The following BCAM variants were observed in gnomAD, a reference collection of about 807,000 sequenced individuals.
BCAM encodes basal cell adhesion molecule.
Under a neutral mutation model 72.4 loss-of-function variants are expected in BCAM, and 61 were observed. The observed-to-expected ratio is 0.84, with a 90% CI of 0.69 to 1.04. The LOEUF is 1.04. Ranked by LOEUF, BCAM falls within the 50% of genes least tolerant of loss-of-function variation. The probability of loss-of-function intolerance (pLI) is 0.00; values close to 1 mark genes in which losing one functional copy is unlikely to be tolerated. For missense variants in BCAM, 909 were observed against 895.0 expected, an observed-to-expected ratio of 1.02 and a Z score of -0.20; for synonymous variants, 408 against 384.2, an observed-to-expected ratio of 1.06 and a Z score of -0.73.
chr19:44,820,709 C>T lies in BCAM; in HGVS notation c.1768C>T (p.Pro590Ser), dbSNP rs763384636. The T allele has an allele frequency of 1.4e-5, 20 of 1,401,474 alleles. No homozygotes were observed. Among genetic ancestry groups the T allele is most frequent in the Admixed American group, 3.0e-5 (1 of 33,124 alleles). 86.8% of individuals were successfully genotyped at this position (1,401,474 alleles called of 1,614,324 possible). A position where few individuals can be genotyped will look rare whatever the true frequency, so the allele number is the denominator to read the frequency against. ...RQRREKGAPPPGEPGLSHSGS... is the reference protein window; with the variant it reads ...RQRREKGAPPSGEPGLSHSGS... ...CCCGCTGCCTCCTCCCCCCAGGCCG[C>T]CAGGGGAGCCAGGGCTGAGCCACTC... The change falls in exon 14 of 15, where the codon CCA (proline) becomes TCA (serine). Residue 590 changes from proline to serine, a missense_variant. By Grantham distance (74) the Pro-to-Ser change is moderately conservative. Coordinates refer to ENST00000270233, the MANE Select transcript of BCAM (RefSeq NM_005581.5).
rs985801314 is a variant in BCAM at position 44,813,140 on chromosome 19, G to T, written c.505-110G>T. 25 of 1,252,958 alleles carry T rather than the reference G, an allele frequency of 2.0e-5. 1 individual carries two copies. The highest frequency in any genetic ancestry group is 2.6e-4 in the Middle Eastern group (1 of 3,834). 77.6% of individuals were successfully genotyped at this position (1,252,958 alleles called of 1,614,324 possible). ...TGGACTCCTGGGTCCTGGGAGAGTCGGGAGTTAGGAGCCCGGCTCATGAGT... is the reference window on the plus strand; with the variant it reads ...TGGACTCCTGGGTCCTGGGAGAGTCTGGAGTTAGGAGCCCGGCTCATGAGT... On this transcript the variant is annotated intron_variant, in intron 4 of 14. Transcript: ENST00000270233. The surrounding 1 kb of genome is among the most constrained non-coding windows in gnomAD (Gnocchi z 4.2).
intron 13 of BCAM, 104 bp downstream of exon 13, chr19:44,819,830 A>G (rs28399660): frequency 0.034 from 48,639 of 1,428,550 alleles, 946 homozygotes; most frequent in Middle Eastern, 0.047. Context: ...CCTCCACCCC[A>G]CATCCCACCA....
intron 8 of BCAM, among the ~76,000 whole-genome samples, chr19:44,816,755 A>G (rs1308481393): frequency 1.3e-5 from 2 of 151,834 alleles, no homozygotes; most frequent in African/African-American, 4.8e-5. Context: ...CCTGGCCAAC[A>G]TGGTGAAACC....
chr19:44,819,159 C>T lies in BCAM; in HGVS notation c.1440C>T (p.Asp480=). 1.9e-6 allele frequency: 3 copies of T among 1,614,126 alleles called. No individual in the cohort carries two copies. Among genetic ancestry groups the T allele is most frequent in the South Asian group, 1.1e-5 (1 of 91,078 alleles). Residue 480 remains aspartate, a synonymous_variant, in exon 11 of 15, where the codon GAC becomes GAT. Coordinates refer to ENST00000270233, the MANE Select transcript of BCAM (RefSeq NM_005581.5). The stretch of plus-strand genomic sequence containing the variant: ...TCTGCTCTGCCCGCGGCCATCCAGA[C>T]CCCAAACTCAGCTGGAGCCAATTGG... ...TLICSARGHP[D]PKLSWSQLGG...
chr19:44,819,232 C>T (rs774003153), intron 11 of BCAM, 40 bp downstream of exon 11: 3 of 1,612,598 alleles, frequency 1.9e-6, no homozygotes, highest in Admixed American at 3.3e-5. Context: ...CCCTCTCACT[C>T]ATCCAAGTAT....
At chr19:44,816,039 C>T (rs28669714) in intron 8 of BCAM, among the ~76,000 whole-genome samples, 51 of 151,890 alleles carry the variant, frequency 3.4e-4, no homozygotes, top group African/African-American at 1.2e-3. Context: ...AAAAGTAGGC[C>T]GGGCCCCGTG....
chr19:44,815,642 C>T (rs928701008), intron 8 of BCAM, among the ~76,000 whole-genome samples: 4 of 152,082 alleles, frequency 2.6e-5, no homozygotes, highest in Admixed American at 6.6e-5. Flanking sequence ...CCCTGGGTTC[C>T]GCACCTCTTG....
Position 44,813,441 on chromosome 19 carries a change from G to T in BCAM, c.605G>T (p.Gly202Val), listed in dbSNP as rs759591873. Residue 202 changes from glycine to valine, a missense_variant, in exon 6 of 15, where the codon GGC becomes GTC. By Grantham distance (109) the Gly-to-Val change is moderately radical (BLOSUM62 -3). Transcript: ENST00000270233. This position sits in a 1 kb window ranked among gnomAD's most constrained non-coding sequence, Gnocchi z 4.2. ...LEVPVEMNPE[G>V]YMTSRTVREA... ...CACCTCCCCCGATCTCTCCCAGAGGGCTACATGACCAGCCGCACGGTCCGG... is the reference window on the plus strand; with the variant it reads ...CACCTCCCCCGATCTCTCCCAGAGGTCTACATGACCAGCCGCACGGTCCGG... 1.9e-6 allele frequency: 3 copies of T among 1,610,600 alleles called. No homozygotes were observed. Among genetic ancestry groups the T allele is most frequent in the Non-Finnish European group, 2.5e-6 (3 of 1,179,128 alleles).
chr19:44,820,339 C>T, intron 13 of BCAM: 1 of 1,066,570 alleles, frequency 9.4e-7, no homozygotes, highest in Non-Finnish European at 1.1e-6. Flanking sequence ...CAATCTTGTC[C>T]CCATTCCTGA....
intron 2 of BCAM, chr19:44,811,865 CAGAGCAAGACTCTATCTCA>C (rs1375008538): frequency 1.3e-5 from 6 of 464,502 alleles, no homozygotes; most frequent in African/African-American, 1.0e-4. Flanking sequence ...AGCCAGGCGA[CAGAGCAAGACTCTATCTCA>C]AAAAAAAAGA....
intron 11 of BCAM, 70 bp from the exon 12 acceptor site, chr19:44,819,276 C>A: frequency 6.2e-7 from 1 of 1,610,110 alleles, no homozygotes; most frequent in Non-Finnish European, 8.5e-7. Flanking sequence ...GGAGACTGGA[C>A]GTCGTTCACC....
Position 44,813,192 on chromosome 19 carries a change from G to A in BCAM, c.505-58G>A, listed in dbSNP as rs1056986531. 1.1e-5 allele frequency: 17 copies of A among 1,580,584 alleles called. No homozygotes were observed. The highest frequency in any genetic ancestry group is 2.7e-5 in the African/African-American group (2 of 74,002). ...TGAGTGGGGAGAACTCCTGAGAGAG[G>A]AGCCCCGACTTCAGAGTCCCAGCTC... On this transcript the variant is annotated intron_variant, in intron 4 of 14. Coordinates refer to ENST00000270233, the MANE Select transcript of BCAM (RefSeq NM_005581.5). This position sits in a 1 kb window ranked among gnomAD's most constrained non-coding sequence, Gnocchi z 4.2.
chr19:44,817,547 T>C lies in BCAM; in HGVS notation c.1079-975T>C, dbSNP rs28399621. On this transcript the variant is annotated intron_variant, in intron 8 of 14. Transcript: ENST00000270233. Reference sequence around the variant, plus strand: ...ATGACCAGTGGGTGGTTGGTTTTTTTTGTTTTTTTTTTTTTGAGTCAGAGT... The same window carrying C: ...ATGACCAGTGGGTGGTTGGTTTTTTCTGTTTTTTTTTTTTTGAGTCAGAGT... Among the ~76,000 whole-genome samples the C allele has an allele frequency of 7.9e-3, 1,180 of 150,224 alleles. 13 individuals are homozygous for C. The highest frequency in any genetic ancestry group is 0.028 in the African/African-American group (1,113 of 40,320).
At chr19:44,811,127 C>A in intron 1 of BCAM, 98 bp from the exon 2 acceptor site, 1 of 1,572,140 alleles carries the variant, frequency 6.4e-7, no homozygotes, top group East Asian at 2.3e-5. Context: ...GGAGGAGGGG[C>A]TGGGACCTGG....
chr19:44,818,584 G>A lies in BCAM; in HGVS notation c.1141G>A (p.Val381Ile), dbSNP rs28399626. 3.8e-3 allele frequency: 6,187 copies of A among 1,614,058 alleles called. 175 individuals carry two copies. The African/African-American group carries it at 0.066, about 17-fold the overall frequency. ...VLSLPLNSSA[V>I]VNCSVHGLPT... is the part of the protein sequence containing the mutation. Reference sequence around the variant, plus strand: ...TTCCTTACCTCTAAACAGCAGTGCAGTCGTGAACTGCTCCGTGCACGGCCT... The same window carrying A: ...TTCCTTACCTCTAAACAGCAGTGCAATCGTGAACTGCTCCGTGCACGGCCT... Residue 381 changes from valine to isoleucine, a missense_variant, in exon 9 of 15, where the codon GTC becomes ATC. By Grantham distance (29) the Val-to-Ile change is conservative (BLOSUM62 3). Coordinates refer to ENST00000270233, the MANE Select transcript of BCAM (RefSeq NM_005581.5). The surrounding 1 kb of genome is among the most constrained non-coding windows in gnomAD (Gnocchi z 4.6).
intron 13 of BCAM, chr19:44,820,383 C>T: frequency 2.6e-6 from 3 of 1,136,234 alleles, no homozygotes; most frequent in Non-Finnish European, 2.2e-6. Context: ...CCCCAAGCTC[C>T]TCCTCATCTA....
In BCAM at chr19:44,812,129, C is replaced by A; in HGVS notation, c.205-34C>A. The A allele has an allele frequency of 1.3e-6, 2 of 1,555,252 alleles. No homozygotes were observed. The highest frequency in any genetic ancestry group is 1.7e-6 in the Non-Finnish European group (2 of 1,153,136). On this transcript the variant is annotated intron_variant, in intron 2 of 14. Transcript: ENST00000270233. This position sits in a 1 kb window ranked among gnomAD's most constrained non-coding sequence, Gnocchi z 5.3. The stretch of plus-strand genomic sequence containing the variant: ...AGAGAGAGACTGAGGAGCGCTGGGA[C>A]ACCCGGAGCTGAGAGCCTGCCCCGC...
In BCAM at chr19:44,813,309, C is replaced by A. The variant is rs755986590; in HGVS notation, c.564C>A (p.Asn188Lys). 2.5e-6 allele frequency: 4 copies of A among 1,614,072 alleles called. No homozygotes were observed. Among genetic ancestry groups the A allele is most frequent in the Non-Finnish European group, 3.4e-6 (4 of 1,180,004 alleles). Reference protein sequence around the residue: ...NPAPKITWYRNGQRLEVPVEM... With the variant: ...NPAPKITWYRKGQRLEVPVEM... ...CCCCCAAGATCACGTGGTATCGCAA[C>A]GGGCAGCGCCTGGAGGTGCCCGTAG... is the stretch of plus-strand genomic sequence containing the variant. The change falls in exon 5 of 15, where the codon AAC becomes AAA. Residue 188 changes from asparagine (N) to lysine (K), a missense_variant. Asn to Lys is a moderately conservative substitution (Grantham distance 94, BLOSUM62 0). Transcript: ENST00000270233. This position sits in a 1 kb window ranked among gnomAD's most constrained non-coding sequence, Gnocchi z 4.2.
chr19:44,819,986 A>G (rs28399635), intron 13 of BCAM: 261,570 of 1,313,840 alleles, frequency 0.2, 28,754 homozygotes, highest in African/African-American at 0.43. Flanking sequence ...CCCATCCCCA[A>G]GCCAAACTCA....
Sources: allele counts gnomAD v4.1 joint callset (sites outside exome capture counted in the v4.1 genomes callset), GRCh38; gene constraint gnomAD v4.1.1; non-coding constraint Gnocchi (gnomAD v3.1); transcripts MANE v1.5; gene names NCBI Gene and HGNC (gene_info 2026-07-23, HGNC 2026-07-21).